The following STEAP4 variants were observed in gnomAD, a reference collection of about 807,000 sequenced individuals.
The protein encoded by STEAP4 is STEAP4 metalloreductase.
In STEAP4, 36 loss-of-function variants were observed where a neutral mutation model predicts 43.6. That is an observed-to-expected ratio of 0.83 (90% CI 0.63 to 1.09). The LOEUF is 1.09. Ranked by LOEUF, STEAP4 falls within the 50% of genes least tolerant of loss-of-function variation. STEAP4 has a pLI of 0.00. For missense variants in STEAP4, 495 were observed against 546.5 expected, an observed-to-expected ratio of 0.91 and a Z score of 0.94; for synonymous variants, 191 against 196.7, an observed-to-expected ratio of 0.97 and a Z score of 0.24.
In STEAP4 at chr7:88,277,705, C is replaced by T. The variant is rs576778614; in HGVS notation, c.*1693G>A. The T allele has an allele frequency of 6.6e-6, 1 of 152,112 alleles. No homozygotes were observed. Among genetic ancestry groups the T allele is most frequent in the South Asian group, 2.1e-4 (1 of 4,828 alleles). The allele number at this position is 152,112 out of a possible 1,614,324, so 9.4% of individuals were successfully genotyped here. A position where few individuals can be genotyped will look rare whatever the true frequency, so the allele number is the denominator to read the frequency against. On this transcript the variant is annotated 3_prime_UTR_variant, in exon 5 of 5. Coordinates refer to ENST00000380079, the MANE Select transcript of STEAP4 (RefSeq NM_024636.4). ...TGAAACCCTGTCTCTACTAAAAGTACAAAAATTAGCTGGGCATAGTGGCAC... is the reference window on the plus strand; with the variant it reads ...TGAAACCCTGTCTCTACTAAAAGTATAAAAATTAGCTGGGCATAGTGGCAC...
intron 1 of STEAP4, among the ~76,000 whole-genome samples, chr7:88,289,887 T>C (rs1852807750): frequency 6.6e-6 from 1 of 152,208 alleles, no homozygotes; most frequent in African/African-American, 2.4e-5. Flanking sequence ...TATTGGTTGA[T>C]TGCCAATCAG....
intron 1 of STEAP4, among the ~76,000 whole-genome samples, chr7:88,296,754 C>T (rs1306075418): frequency 1.3e-5 from 2 of 152,044 alleles, no homozygotes; most frequent in East Asian, 1.9e-4. Context: ...CCAATTTATT[C>T]ACTGAGCTAT....
At chr7:88,301,851 C>G (rs1248812282) in intron 1 of STEAP4, among the ~76,000 whole-genome samples, 1 of 152,140 alleles carries the variant, frequency 6.6e-6, no homozygotes, top group African/African-American at 2.4e-5. Context: ...GCTGGGATTA[C>G]AGGCGTGAGC....
At position 88,282,638 on chromosome 7, in the gene STEAP4, T is replaced by C; in HGVS notation, c.984+3A>G. On this transcript the variant is annotated splice_donor_region_variant and intron_variant, in intron 3 of 4. Coordinates refer to ENST00000380079, the MANE Select transcript of STEAP4 (RefSeq NM_024636.4). ...AGAAGAAAATATATAAGAAGAGATT[T>C]ACCTGGGTAACGGTTAAGTTTCCCA... 6.2e-7 allele frequency: 1 copy of C among 1,610,140 alleles called. No individual in the cohort carries two copies. Among genetic ancestry groups the C allele is most frequent in the Admixed American group, 1.7e-5 (1 of 59,702 alleles).
chr7:88,292,178 C>G (rs1852846656), intron 1 of STEAP4: 1 of 152,128 alleles, frequency 6.6e-6, no homozygotes, highest in African/African-American at 2.4e-5. Flanking sequence ...TATCATCCCT[C>G]TCTTTGCAGA....
intron 1 of STEAP4, among the ~76,000 whole-genome samples, chr7:88,294,106 G>A (rs1241474571): frequency 6.6e-6 from 1 of 152,150 alleles, no homozygotes; most frequent in Non-Finnish European, 1.5e-5. Flanking sequence ...TAATAGCAGT[G>A]TGTAGATACA....
At position 88,290,046 on chromosome 7, in the gene STEAP4, T is replaced by G. The variant is rs992523318; in HGVS notation, c.-2-5775A>C. 1.1e-4 allele frequency among the ~76,000 whole-genome samples: 16 copies of G among 152,346 alleles called. 1 individual carries two copies. In the South Asian group the frequency reaches 2.3e-3, roughly 22 times the overall value. Reference sequence around the variant, plus strand: ...ATTTTATCCTAATATTTTTATTCTCTCTTTCATACTGGATGAACATTTGCA... The same window carrying G: ...ATTTTATCCTAATATTTTTATTCTCGCTTTCATACTGGATGAACATTTGCA... On this transcript the variant is annotated intron_variant, in intron 1 of 4. Transcript: ENST00000380079.
At chr7:88,293,175 T>G (rs1456897277) in intron 1 of STEAP4, among the ~76,000 whole-genome samples, 1 of 152,198 alleles carries the variant, frequency 6.6e-6, no homozygotes, top group African/African-American at 2.4e-5. Context: ...GATATTTCAT[T>G]GTGGTTTAAA....
In STEAP4 at chr7:88,284,193, C is replaced by G. The variant is rs1039203648; in HGVS notation, c.77G>C (p.Gly26Ala). ...CAGTGATCTTCCAAAATCACCAGTTCCAAAAATACATACAGTCTCTTGCTT... is the reference window on the plus strand; with the variant it reads ...CAGTGATCTTCCAAAATCACCAGTTGCAAAAATACATACAGTCTCTTGCTT... The part of the protein sequence containing the change: ...SEKQETVCIF[G>A]TGDFGRSLGL... The change falls in exon 2 of 5, where the codon GGA becomes GCA. Residue 26 changes from glycine (G) to alanine (A), a missense_variant. By Grantham distance (60) the Gly-to-Ala change is moderately conservative. Transcript: ENST00000380079. 6.2e-6 allele frequency: 10 copies of G among 1,613,812 alleles called. No homozygotes were observed. Among genetic ancestry groups the G allele is most frequent in the Non-Finnish European group, 8.5e-6 (10 of 1,179,964 alleles).
intron 3 of STEAP4, chr7:88,282,359 G>A: frequency 2.5e-6 from 1 of 404,840 alleles, no homozygotes; most frequent in Non-Finnish European, 4.4e-6. Flanking sequence ...ATGTTGGCCA[G>A]GATGGTCTTG....
intron 1 of STEAP4, chr7:88,292,443 A>C (rs1010431609): frequency 6.6e-6 from 1 of 151,936 alleles, no homozygotes; most frequent in African/African-American, 2.4e-5. Flanking sequence ...AATTCTTATT[A>C]AAAAAATAAA....
intron 1 of STEAP4, among the ~76,000 whole-genome samples, chr7:88,303,844 T>C (rs1043290838): frequency 6.6e-6 from 1 of 152,234 alleles, no homozygotes. Context: ...TAATTATTCT[T>C]TAGTTATTTA....
chr7:88,282,674 T>C lies in STEAP4; in HGVS notation c.951A>G (p.Val317=), dbSNP rs111984385. 7.1e-5 allele frequency: 114 copies of C among 1,614,044 alleles called. 1 individual carries two copies. In the African/African-American group the frequency reaches 1.3e-3, roughly 18 times the overall value. ...CGGTTAAGTTTCCCAATCTCCATCG[T>C]ACATAATATCGAATAGGAATCACAA... ...YTLVIPIRYY[V]RWRLGNLTVT... The change falls in exon 3 of 5, where the codon GTA becomes GTG. Residue 317 remains valine, a synonymous_variant. Coordinates refer to ENST00000380079, the MANE Select transcript of STEAP4 (RefSeq NM_024636.4).
chr7:88,282,460 A>T, intron 3 of STEAP4, 181 bp downstream of exon 3: 1 of 683,970 alleles, frequency 1.5e-6, no homozygotes, highest in Non-Finnish European at 2.4e-6. Flanking sequence ...TTTTATTCTT[A>T]ATAGTTGTAT....
rs1302526335 is a variant in STEAP4 at position 88,277,521 on chromosome 7, A to G, written c.*1877T>C. 1 of 152,198 alleles carries G rather than the reference A, an allele frequency of 6.6e-6. No individual in the cohort carries two copies. Among genetic ancestry groups the G allele is most frequent in the East Asian group, 1.9e-4 (1 of 5,202 alleles). The allele number at this position is 152,198 out of a possible 1,614,324, so 9.4% of individuals were successfully genotyped here. ...ATATAGTCTACATGTTTAATAAGGA[A>G]AGAGGTTTGAAAAATGCCTATTTGA... On this transcript the variant is annotated 3_prime_UTR_variant, in exon 5 of 5. Coordinates refer to ENST00000380079, the MANE Select transcript of STEAP4 (RefSeq NM_024636.4).
Position 88,274,627 on chromosome 7 carries a change from A to G in STEAP4, c.*4771T>C, listed in dbSNP as rs1463949257. ...ATGAAAGCAAGTTTATTAAGACTGT[A>G]AAGGAATAAAAGGGCTATTTCATAG... On this transcript the variant is annotated 3_prime_UTR_variant, in exon 5 of 5. Coordinates refer to ENST00000380079, the MANE Select transcript of STEAP4 (RefSeq NM_024636.4). The G allele has an allele frequency of 1.3e-5, 2 of 152,236 alleles. No homozygotes were observed. Among genetic ancestry groups the G allele is most frequent in the Non-Finnish European group, 2.9e-5 (2 of 68,052 alleles). The allele number at this position is 152,236 out of a possible 1,614,324, so 9.4% of individuals were successfully genotyped here. A position where few individuals can be genotyped will look rare whatever the true frequency, so the allele number is the denominator to read the frequency against.
chr7:88,285,517 G>T (rs567470779), intron 1 of STEAP4, among the ~76,000 whole-genome samples: 1 of 151,858 alleles, frequency 6.6e-6, no homozygotes, highest in Non-Finnish European at 1.5e-5. Flanking sequence ...TACTATCAAA[G>T]AAATGGATAA....
chr7:88,297,520 T>C (rs1352804777), intron 1 of STEAP4, among the ~76,000 whole-genome samples: 1 of 152,170 alleles, frequency 6.6e-6, no homozygotes, highest in Non-Finnish European at 1.5e-5. Flanking sequence ...TAAACTCAAA[T>C]GTCAGATAAA....
intron 1 of STEAP4, chr7:88,292,607 A>G (rs1455073935): frequency 6.6e-6 from 1 of 152,134 alleles, no homozygotes; most frequent in African/African-American, 2.4e-5. Flanking sequence ...AGCCATATGC[A>G]TGTATATTTC....
Sources: allele counts gnomAD v4.1 joint callset (sites outside exome capture counted in the v4.1 genomes callset), GRCh38; gene constraint gnomAD v4.1.1; transcripts MANE v1.5; gene names NCBI Gene and HGNC (gene_info 2026-07-23, HGNC 2026-07-21).